Variants in CMTM4 observed in about 807,000 individuals in gnomAD.
CMTM4 encodes the protein CKLF-like MARVEL transmembrane domain-containing protein 4.
CMTM4 carries 8 observed loss-of-function variants against 19.0 expected under a neutral mutation model. The ratio of observed to expected loss-of-function variants is 0.42; its 90% CI spans 0.25 to 0.76. CMTM4 has a LOEUF of 0.76. Ranked by LOEUF, CMTM4 falls within the 30% of genes least tolerant of loss-of-function variation. CMTM4 has a pLI of 0.27. For missense variants in CMTM4, 228 were observed against 290.2 expected, an observed-to-expected ratio of 0.79 and a Z score of 1.56; for synonymous variants, 106 against 121.1, an observed-to-expected ratio of 0.88 and a Z score of 0.82.
In CMTM4 at chr16:66,621,549, T is replaced by C. The variant is rs1056644531; in HGVS notation, c.*509A>G. The stretch of plus-strand genomic sequence containing the variant: ...CAGCTTTCCCCAGCCCTGTGGCCTT[T>C]GGGCTGGTGCTGGCTGCCTGGGGGC... On this transcript the variant is annotated 3_prime_UTR_variant, in exon 4 of 4. Transcript: ENST00000394106. 1.4e-5 allele frequency: 14 copies of C among 988,488 alleles called. No individual in the cohort carries two copies. The highest frequency in any genetic ancestry group is 1.7e-5 in the Non-Finnish European group (14 of 831,522). The allele number at this position is 988,488 out of a possible 1,614,324, so 61.2% of individuals were successfully genotyped here.
At chr16:66,632,783 ACAGAGAAAAACAAATATCGC>A (rs1427097269) in intron 2 of CMTM4, among the ~76,000 whole-genome samples, 1 of 152,136 alleles carries the variant, frequency 6.6e-6, no homozygotes, top group Non-Finnish European at 1.5e-5. Flanking sequence ...CTCCTAGGAC[ACAGAGAAAAACAAATATCGC>A]CAGGCACGGT....
chr16:66,631,055 C>CG (rs1167133343), intron 2 of CMTM4, among the ~76,000 whole-genome samples: 2 of 150,476 alleles, frequency 1.3e-5, no homozygotes, highest in Non-Finnish European at 3.0e-5. Context: ...GGAGCCCCTC[C>CG]GCCCGGCGGC....
intron 1 of CMTM4, among the ~76,000 whole-genome samples, chr16:66,683,194 C>CGT (rs1555502532): frequency 0.01 from 1,079 of 107,418 alleles, 22 homozygotes; most frequent in African/African-American, 0.033. Flanking sequence ...TATATATATA[C>CGT]ATATATATAT....
chr16:66,600,146 G>GTTTT, the CMTM4 span, among the ~76,000 whole-genome samples: 2 of 125,780 alleles, frequency 1.6e-5, no homozygotes, highest in African/African-American at 6.0e-5. Context: ...GTTTTTTTTT[G>GTTTT]TTTTTTTTTT....
chr16:66,660,911 G>C (rs1047304340), intron 1 of CMTM4, among the ~76,000 whole-genome samples: 5 of 152,058 alleles, frequency 3.3e-5, no homozygotes, highest in Non-Finnish European at 7.4e-5. Context: ...CCGCACGGTG[G>C]GGCCTGTCTC....
chr16:66,610,306 G>A (rs2015329538), downstream of CMTM4, among the ~76,000 whole-genome samples: 1 of 152,112 alleles, frequency 6.6e-6, no homozygotes, highest in South Asian at 2.1e-4. The surrounding 1 kb of genome is among the most constrained non-coding windows in gnomAD (Gnocchi z 4.6). Flanking sequence ...TCGGGCACCT[G>A]TCCACCTGGG....
intron 1 of CMTM4, among the ~76,000 whole-genome samples, chr16:66,693,181 G>GCC (rs1229958565): frequency 6.6e-6 from 1 of 152,028 alleles, no homozygotes; most frequent in Non-Finnish European, 1.5e-5. Context: ...CTGAGATGGT[G>GCC]CCATTGCACT....
chr16:66,619,994 C>G lies in CMTM4; in HGVS notation c.*2064G>C, dbSNP rs72790445. The G allele has an allele frequency of 0.026, 25,265 of 985,364 alleles. 676 individuals are homozygous for G. Among genetic ancestry groups the G allele is most frequent in the East Asian group, 0.16 (1,375 of 8,796 alleles). The allele number at this position is 985,364 out of a possible 1,614,324, so 61.0% of individuals were successfully genotyped here. On this transcript the variant is annotated 3_prime_UTR_variant, in exon 4 of 4. Coordinates refer to ENST00000394106, the MANE Select transcript of CMTM4 (RefSeq NM_181521.3). ...CCTCAGGAGGCCAACCACCTGCCCC[C>G]CTCTTTCACCAGATGATCAAGTGGT...
At chr16:66,645,857 T>A (rs1387084914) in intron 1 of CMTM4, among the ~76,000 whole-genome samples, 2 of 151,862 alleles carry the variant, frequency 1.3e-5, no homozygotes, top group East Asian at 3.9e-4. Flanking sequence ...TGGGCGCCTG[T>A]AATCACAGCT....
the CMTM4 span, among the ~76,000 whole-genome samples, chr16:66,602,121 G>T: frequency 1.3e-5 from 2 of 152,258 alleles, no homozygotes; most frequent in African/African-American, 2.4e-5. Context: ...GTCTGGCCAG[G>T]TGCGGTGGCT....
intron 1 of CMTM4, among the ~76,000 whole-genome samples, chr16:66,693,369 C>G (rs1159677378): frequency 6.6e-6 from 1 of 152,224 alleles, no homozygotes; most frequent in Non-Finnish European, 1.5e-5. Flanking sequence ...GCAGTCCCCC[C>G]ACCTCAGCTT....
the CMTM4 span, chr16:66,604,704 A>T: frequency 6.6e-6 from 6 of 908,636 alleles, no homozygotes; most frequent in Non-Finnish European, 8.5e-6. Context: ...TGCGCGAGCC[A>T]GTGTCGCCTG....
intron 1 of CMTM4, among the ~76,000 whole-genome samples, chr16:66,683,284 T>G (rs190174802): frequency 1.2e-3 from 162 of 140,196 alleles, no homozygotes; most frequent in Non-Finnish European, 2.0e-3. Context: ...TTTTTTTCTT[T>G]TCTTTTTTTT....
intron 1 of CMTM4, among the ~76,000 whole-genome samples, chr16:66,679,823 C>CAAAA (rs748044272): frequency 3.1e-5 from 2 of 64,044 alleles, no homozygotes; most frequent in Non-Finnish European, 3.2e-5. Context: ...GACTCTATGT[C>CAAAA]AAAAAAAAAA....
At chr16:66,691,679 C>T (rs536759781) in intron 1 of CMTM4, among the ~76,000 whole-genome samples, 6 of 152,274 alleles carry the variant, frequency 3.9e-5, no homozygotes, top group African/African-American at 1.4e-4. Flanking sequence ...CCAGCCTGGG[C>T]ACAGAGCAGG....
At chr16:66,600,139 TTTTTTTG>T in the CMTM4 span, among the ~76,000 whole-genome samples, 6 of 136,490 alleles carry the variant, frequency 4.4e-5, no homozygotes, top group Admixed American at 7.8e-5. Context: ...TGTGTGTGTT[TTTTTTTG>T]TTTTTTTTTT....
intron 1 of CMTM4, among the ~76,000 whole-genome samples, chr16:66,641,345 G>A (rs908064790): frequency 1.3e-5 from 2 of 152,082 alleles, no homozygotes; most frequent in African/African-American, 4.8e-5. Context: ...AAGATGTCTT[G>A]TTTTAAGTCA....
intron 1 of CMTM4, among the ~76,000 whole-genome samples, chr16:66,678,507 C>G (rs949697779): frequency 3.3e-5 from 5 of 152,192 alleles, no homozygotes; most frequent in African/African-American, 1.2e-4. Flanking sequence ...TCCAAGTTAT[C>G]TGATCCTATG....
At chr16:66,641,193 C>T (rs1303250562) in intron 1 of CMTM4, among the ~76,000 whole-genome samples, 1 of 152,128 alleles carries the variant, frequency 6.6e-6, no homozygotes, top group Non-Finnish European at 1.5e-5. Context: ...TACAGGGGCA[C>T]ACCACCATGC....
Sources: gnomAD v4.1 joint callset for allele counts (sites outside exome capture counted in the v4.1 genomes callset) on GRCh38, gnomAD v4.1.1 for gene constraint, Gnocchi (gnomAD v3.1) non-coding constraint, MANE v1.5 for transcripts, NCBI Gene and HGNC (gene_info 2026-07-23, HGNC 2026-07-21) for gene names.